Variants in MFNG observed in about 807,000 individuals in gnomAD.
MFNG encodes the protein beta-1,3-N-acetylglucosaminyltransferase manic fringe.
A neutral mutation model predicts 34.2 loss-of-function variants in MFNG; 24 were observed. The observed-to-expected ratio is 0.70, with a 90% confidence interval of 0.51 to 0.99. The LOEUF is 0.99. MFNG is among the 50% of genes least tolerant of loss of function. MFNG has a pLI of 0.00. For synonymous variants in MFNG, 158 were observed against 179.2 expected, an observed-to-expected ratio of 0.88 and a Z score of 0.94; for missense variants, 383 against 424.0, an observed-to-expected ratio of 0.90 and a Z score of 0.85.
intron 7 of MFNG, among the ~76,000 whole-genome samples, chr22:37,470,723 GGCCAGGGGCCC>G (rs1921768223): frequency 6.6e-6 from 1 of 152,160 alleles, no homozygotes; most frequent in Non-Finnish European, 1.5e-5. Flanking sequence ...AGAACGTCAG[GGCCAGGGGCCC>G]TGGTTCCTCC....
At chr22:37,484,653 C>G (rs1389493185) in intron 1 of MFNG, 1 of 152,298 alleles carries the variant, frequency 6.6e-6, no homozygotes, top group African/African-American at 2.4e-5. Context: ...CGTGAGGCCA[C>G]GCTCCCGGGT....
At chr22:37,473,856 T>C (rs764622318) in intron 6 of MFNG, among the ~76,000 whole-genome samples, 3 of 152,244 alleles carry the variant, frequency 2.0e-5, no homozygotes, top group Non-Finnish European at 2.9e-5. Flanking sequence ...GTTGAGTTTC[T>C]GTCACACTGT....
Position 37,476,086 on chromosome 22 carries a change from T to C in MFNG, c.647+810A>G, listed in dbSNP as rs75437407. ...GCCTGAGATCTAGAAACAAGACTAA[T>C]GCCACCTTCTCCCCCAGGTGTTGTG... is the stretch of plus-strand genomic sequence containing the variant. On this transcript the variant is annotated intron_variant, in intron 5 of 7. Transcript: ENST00000356998. Among the ~76,000 whole-genome samples, 1,132 of 152,250 alleles carry C rather than the reference T, an allele frequency of 7.4e-3. 11 individuals are homozygous for C. Among genetic ancestry groups the C allele is most frequent in the African/African-American group, 0.026 (1,063 of 41,520 alleles).
rs377274470 is a variant in MFNG at position 37,480,158 on chromosome 22, C to T, written c.407+39G>A. The T allele has an allele frequency of 1.3e-3, 2,073 of 1,539,876 alleles. 5 individuals are homozygous for T. Among genetic ancestry groups the T allele is most frequent in the Non-Finnish European group, 1.7e-3 (1,919 of 1,119,750 alleles). Reference sequence around the variant, plus strand: ...GTCCCAGGGGTTATTTTCACTGGGCCCAGACCACACTTATCCCCAGAGACC... The same window carrying T: ...GTCCCAGGGGTTATTTTCACTGGGCTCAGACCACACTTATCCCCAGAGACC... On this transcript the variant is annotated intron_variant, in intron 3 of 7. Transcript: ENST00000356998.
rs1388884372 is a variant in MFNG at position 37,482,283 on chromosome 22, C to G, written c.256-1514G>C. Among the ~76,000 whole-genome samples the G allele has an allele frequency of 6.6e-6, 1 of 152,208 alleles. No homozygotes were observed. The highest frequency in any genetic ancestry group is 1.5e-5 in the Non-Finnish European group (1 of 68,030). ...CAACTCCACCCACCAGCCACTAACA[C>G]CTTCCATGGCTCCCTACTACTCTTG... is the stretch of plus-strand genomic sequence containing the variant. On this transcript the variant is annotated intron_variant, in intron 1 of 7. Coordinates refer to ENST00000356998, the MANE Select transcript of MFNG (RefSeq NM_002405.4). The surrounding 1 kb of genome is among the most constrained non-coding windows in gnomAD (Gnocchi z 4.1).
Position 37,480,215 on chromosome 22 carries a change from A to G in MFNG, c.389T>C (p.Phe130Ser). The G allele has an allele frequency of 6.2e-7, 1 of 1,610,460 alleles. No homozygotes were observed. The highest frequency in any genetic ancestry group is 8.5e-7 in the Non-Finnish European group (1 of 1,177,094). ...SCKMAAEFDT[F>S]LASGLRWFCH... ...CACTCGCCTAAGCCCACTGGCCAAG[A>G]AGGTGTCGAACTCAGCAGCCATCTT... Residue 130 changes from phenylalanine (F) to serine (S), a missense_variant, in exon 3 of 8, where the codon TTC (phenylalanine) becomes TCC (serine). By Grantham distance (155) the Phe-to-Ser change is radical. Transcript: ENST00000356998.
At chr22:37,477,160 G>A (rs1922080758) in intron 4 of MFNG, among the ~76,000 whole-genome samples, 179 bp from the exon 5 acceptor site, 1 of 152,202 alleles carries the variant, frequency 6.6e-6, no homozygotes, top group South Asian at 2.1e-4. Flanking sequence ...AGAAAACAGA[G>A]GCCCGAAGTC....
chr22:37,475,570 C>A (rs987713673), intron 5 of MFNG, among the ~76,000 whole-genome samples: 6 of 152,158 alleles, frequency 3.9e-5, no homozygotes, highest in African/African-American at 1.4e-4. Context: ...GAGACAGGAA[C>A]AGAGTCCCAG....
Position 37,485,950 on chromosome 22 carries a change from G to A in MFNG, c.228C>T (p.Asp76=). 1 of 1,613,692 alleles carries A rather than the reference G, an allele frequency of 6.2e-7. No homozygotes were observed. The highest frequency in any genetic ancestry group is 8.5e-7 in the Non-Finnish European group (1 of 1,179,772). Reference sequence around the variant, plus strand: ...GTTCCCTGGTCCTGGAAACCCACGTGTCAAGCAGCAGCTCCAGGCGCAAGC... The same window carrying A: ...GTTCCCTGGTCCTGGAAACCCACGTATCAAGCAGCAGCTCCAGGCGCAAGC... ...FHRLRLELLL[D]TWVSRTREQT... The change falls in exon 1 of 8, where the codon GAC becomes GAT. Residue 76 remains aspartate, a synonymous_variant. Transcript: ENST00000356998. The surrounding 1 kb of genome is among the most constrained non-coding windows in gnomAD (Gnocchi z 5.3).
chr22:37,472,273 C>T (rs990629709), intron 7 of MFNG, among the ~76,000 whole-genome samples, 170 bp downstream of exon 7: 1 of 152,190 alleles, frequency 6.6e-6, no homozygotes, highest in African/African-American at 2.4e-5. Context: ...CAAGGTCACA[C>T]AGCAAGCCAG....
At chr22:37,480,158 C>A (rs377274470) in intron 3 of MFNG, 39 bp downstream of exon 3, 1 of 1,540,006 alleles carries the variant, frequency 6.5e-7, no homozygotes, top group Admixed American at 1.7e-5. Flanking sequence ...TTCACTGGGC[C>A]CAGACCACAC....
rs1286639761 is a variant in MFNG, at chr22:37,485,448, CT to C, written c.255+474del. Among the ~76,000 whole-genome samples the C allele has an allele frequency of 1.3e-5, 2 of 152,246 alleles. No individual in the cohort carries two copies. The highest frequency in any genetic ancestry group is 3.9e-4 in the East Asian group (2 of 5,186). On this transcript the variant is annotated intron_variant, in intron 1 of 7. Transcript: ENST00000356998. This position sits in a 1 kb window ranked among gnomAD's most constrained non-coding sequence, Gnocchi z 5.3. ...CACCATTCTCCTCCCGTCCTCCACC[CT>C]CAGAGCCCGGGCAGGACAGCACCTA... is the stretch of plus-strand genomic sequence containing the variant.
intron 6 of MFNG, 85 bp from the exon 7 acceptor site, chr22:37,472,613 G>GT: frequency 7.7e-7 from 1 of 1,300,970 alleles, no homozygotes; most frequent in Non-Finnish European, 1.1e-6. Context: ...TGGAGGAGGG[G>GT]TTTTAAGCTG....
chr22:37,484,219 C>A (rs1922429443), intron 1 of MFNG: 1 of 152,458 alleles, frequency 6.6e-6, no homozygotes, highest in African/African-American at 2.4e-5. Flanking sequence ...CGAGTCCCGG[C>A]CCCTGCCGCA....
At chr22:37,471,553 G>C (rs530592833) in intron 7 of MFNG, among the ~76,000 whole-genome samples, 1 of 152,062 alleles carries the variant, frequency 6.6e-6, no homozygotes, top group South Asian at 2.1e-4. Context: ...TAGCTGGGCC[G>C]GGGGCAGCGG....
chr22:37,486,381 T>A lies in MFNG; in HGVS notation c.-204A>T, dbSNP rs1025231980. 5.8e-5 allele frequency: 27 copies of A among 463,584 alleles called. No homozygotes were observed. In the South Asian group the frequency reaches 2.1e-3, roughly 36 times the overall value. The allele number at this position is 463,584 out of a possible 1,614,324, so 28.7% of individuals were successfully genotyped here. ...TCTCGACCGCCGCCAGTCCTCCACC[T>A]GCTCCCGCTGTCCGGCCTGCCGCAG... On this transcript the variant is annotated 5_prime_UTR_variant, in exon 1 of 8. Transcript: ENST00000356998.
intron 7 of MFNG, among the ~76,000 whole-genome samples, chr22:37,471,313 G>T (rs1921791094): frequency 1.3e-5 from 2 of 152,246 alleles, no homozygotes; most frequent in Non-Finnish European, 2.9e-5. Context: ...GCAAATAGAA[G>T]GGTTGGGGCT....
chr22:37,482,094 C>T lies in MFNG; in HGVS notation c.256-1325G>A, dbSNP rs1922316404. Among the ~76,000 whole-genome samples, 1 of 152,200 alleles carries T rather than the reference C, an allele frequency of 6.6e-6. No homozygotes were observed. Among genetic ancestry groups the T allele is most frequent in the Non-Finnish European group, 1.5e-5 (1 of 68,034 alleles). On this transcript the variant is annotated intron_variant, in intron 1 of 7. Transcript: ENST00000356998. The surrounding 1 kb of genome is among the most constrained non-coding windows in gnomAD (Gnocchi z 4.1). The stretch of plus-strand genomic sequence containing the variant: ...GCATAGGAGGCCAGGAGGCCGGGAG[C>T]CAGGTTTGACACAGGAAGGGGCAGG...
chr22:37,480,532 C>A (rs1922248694), intron 2 of MFNG, among the ~76,000 whole-genome samples, 189 bp downstream of exon 2: 1 of 152,176 alleles, frequency 6.6e-6, no homozygotes, highest in African/African-American at 2.4e-5. Context: ...CAGCACCGCT[C>A]TTCCCCATAC....
Sources: allele counts gnomAD v4.1 joint callset (sites outside exome capture counted in the v4.1 genomes callset), GRCh38; gene constraint gnomAD v4.1.1; non-coding constraint Gnocchi (gnomAD v3.1); transcripts MANE v1.5; gene names NCBI Gene and HGNC (gene_info 2026-07-23, HGNC 2026-07-21).